ROBO1: variants seen among roughly 807,000 people sequenced by gnomAD.
ROBO1 encodes the protein roundabout homolog 1.
Under a neutral mutation model 195.9 loss-of-function variants are expected in ROBO1, and 149 were observed. That is an observed-to-expected ratio of 0.76 (90% CI 0.67 to 0.87). ROBO1 has a LOEUF of 0.87. Ranked by LOEUF, ROBO1 falls within the 40% of genes least tolerant of loss-of-function variation. ROBO1 has a pLI of 0.00. For missense variants in ROBO1, 1,933 were observed against 2,068.3 expected, an observed-to-expected ratio of 0.93 and a Z score of 1.27; for synonymous variants, 816 against 733.2, an observed-to-expected ratio of 1.11 and a Z score of -1.82.
rs188739948 is a variant in ROBO1 at position 79,684,588 on chromosome 3, T to C, written c.-51+83164A>G. Among the ~76,000 whole-genome samples, 500 of 152,222 alleles carry C rather than the reference T, an allele frequency of 3.3e-3. 3 individuals carry two copies. The highest frequency in any genetic ancestry group is 3.7e-3 in the Non-Finnish European group (250 of 68,010). ...GTTATTTTGACTAATATTCTTCTTTTGTTTGGGTCATACATTTTTTATTTA... is the reference window on the plus strand; with the variant it reads ...GTTATTTTGACTAATATTCTTCTTTCGTTTGGGTCATACATTTTTTATTTA... On this transcript the variant is annotated intron_variant, in intron 1 of 30. Transcript: ENST00000464233.
intron 1 of ROBO1, among the ~76,000 whole-genome samples, chr3:79,637,947 A>G (rs1945545016): frequency 6.6e-6 from 1 of 152,168 alleles, no homozygotes; most frequent in Non-Finnish European, 1.5e-5. Context: ...GTTAGTATAA[A>G]GTGAATGTTG....
chr3:79,546,788 A>ATT (rs1435993236), intron 2 of ROBO1, among the ~76,000 whole-genome samples: 1 of 152,192 alleles, frequency 6.6e-6, no homozygotes, highest in Non-Finnish European at 1.5e-5. Context: ...TATGTTTATA[A>ATT]ATACTTACCA....
At chr3:79,398,352 T>C (rs1308638190) in intron 2 of ROBO1, among the ~76,000 whole-genome samples, 2 of 152,162 alleles carry the variant, frequency 1.3e-5, no homozygotes, top group African/African-American at 2.4e-5. Context: ...ATTCTTAGAC[T>C]TTTATATATT....
chr3:78,785,128 GCT>G (rs2083792861), intron 4 of ROBO1, among the ~76,000 whole-genome samples: 1 of 152,194 alleles, frequency 6.6e-6, no homozygotes, highest in African/African-American at 2.4e-5. Context: ...AAAAAGGAGT[GCT>G]TTTGCATCAA....
intron 2 of ROBO1, among the ~76,000 whole-genome samples, chr3:79,394,208 T>C (rs888268358): frequency 6.6e-5 from 10 of 151,698 alleles, no homozygotes; most frequent in African/African-American, 1.2e-4. Context: ...AGTAGACTAG[T>C]TTGTATGTGA....
At chr3:79,375,529 G>A (rs1044060720) in intron 2 of ROBO1, among the ~76,000 whole-genome samples, 36 of 152,272 alleles carry the variant, frequency 2.4e-4, no homozygotes, top group Non-Finnish European at 4.3e-4. Flanking sequence ...ACCAGCCAGT[G>A]GCCCTGAAGA....
At chr3:79,255,807 C>T (rs1034545005) in intron 2 of ROBO1, among the ~76,000 whole-genome samples, 1 of 152,134 alleles carries the variant, frequency 6.6e-6, no homozygotes, top group Admixed American at 6.6e-5. Flanking sequence ...CTCCACCACA[C>T]TGACAGCAGG....
chr3:79,652,808 G>T (rs753030764), intron 1 of ROBO1, among the ~76,000 whole-genome samples: 2 of 151,880 alleles, frequency 1.3e-5, no homozygotes, highest in Non-Finnish European at 2.9e-5. Context: ...AGGAAACAAA[G>T]ACTTCTGTTG....
intron 5 of ROBO1, among the ~76,000 whole-genome samples, chr3:78,744,638 A>G (rs139718164): frequency 8.3e-4 from 127 of 152,176 alleles, no homozygotes; most frequent in Non-Finnish European, 1.4e-3. Flanking sequence ...GGGTTTTTCT[A>G]TTTAATATTT....
In ROBO1 at chr3:79,301,227, C is replaced by G. The variant is rs191727276; in HGVS notation, c.89-175688G>C. 1.4e-3 allele frequency among the ~76,000 whole-genome samples: 220 copies of G among 152,226 alleles called. 1 individual carries two copies. The highest frequency in any genetic ancestry group is 5.0e-3 in the African/African-American group (209 of 41,560). ...CGAACCCACCAGAAGAAAAAAACTC[C>G]GCAAACATCCGAACATCAGAAAGAA... On this transcript the variant is annotated intron_variant, in intron 2 of 30. Coordinates refer to ENST00000464233, the MANE Select transcript of ROBO1 (RefSeq NM_002941.4).
intron 2 of ROBO1, among the ~76,000 whole-genome samples, chr3:79,400,697 C>G (rs1467674757): frequency 6.6e-6 from 1 of 151,890 alleles, no homozygotes; most frequent in Non-Finnish European, 1.5e-5. Context: ...GTCCTAAATT[C>G]ATAAGTAGAT....
intron 1 of ROBO1, among the ~76,000 whole-genome samples, chr3:79,726,310 T>G (rs1702924340): frequency 6.6e-6 from 1 of 152,134 alleles, no homozygotes; most frequent in Non-Finnish European, 1.5e-5. Context: ...TCCAACCCCA[T>G]CTATCTAACA....
chr3:79,523,395 A>G lies in ROBO1; in HGVS notation c.88+66429T>C, dbSNP rs138167890. Among the ~76,000 whole-genome samples the G allele has an allele frequency of 3.4e-3, 518 of 152,090 alleles. 3 individuals are homozygous for G. Among genetic ancestry groups the G allele is most frequent in the Non-Finnish European group, 6.4e-3 (432 of 67,994 alleles). The stretch of plus-strand genomic sequence containing the variant: ...ACAATTTTATGCGTCAATTTTAACA[A>G]ATAAATTTGAAAAAAAAATTGTTCA... On this transcript the variant is annotated intron_variant, in intron 2 of 30. Transcript: ENST00000464233.
At chr3:79,517,958 C>T (rs979853807) in intron 2 of ROBO1, among the ~76,000 whole-genome samples, 2 of 152,008 alleles carry the variant, frequency 1.3e-5, no homozygotes, top group Non-Finnish European at 1.5e-5. Context: ...CTGACATTTT[C>T]CAGGGTGTTA....
intron 2 of ROBO1, among the ~76,000 whole-genome samples, chr3:79,560,967 G>A (rs1942895528): frequency 6.6e-6 from 1 of 152,008 alleles, no homozygotes; most frequent in African/African-American, 2.4e-5. Context: ...CTTTCAATCT[G>A]CTGTTTTTTT....
intron 4 of ROBO1, among the ~76,000 whole-genome samples, chr3:78,899,825 A>G (rs1327996599): frequency 1.3e-5 from 2 of 152,176 alleles, no homozygotes; most frequent in African/African-American, 4.8e-5. Context: ...ATCCTGTCAA[A>G]TAAAGGCAAC....
intron 2 of ROBO1, among the ~76,000 whole-genome samples, chr3:79,582,650 A>G (rs1943697300): frequency 6.6e-6 from 1 of 152,050 alleles, no homozygotes; most frequent in South Asian, 2.1e-4. Context: ...TAATCTTATT[A>G]GGTTACTCTC....
chr3:79,574,769 ATAAAC>A (rs1943395648), intron 2 of ROBO1, among the ~76,000 whole-genome samples: 1 of 151,808 alleles, frequency 6.6e-6, no homozygotes, highest in Admixed American at 6.6e-5. Context: ...GTATCCCTTA[ATAAAC>A]TATAGTTTTA....
rs530912706 is a variant in ROBO1 at position 78,670,462 on chromosome 3, C to T, written c.1343-161G>A. On this transcript the variant is annotated intron_variant, in intron 10 of 30. Transcript: ENST00000464233. Reference sequence around the variant, plus strand: ...TTATTCAAAATGCATTTATATGATGCACTGATTCAGAATACTAAAATGAGA... The same window carrying T: ...TTATTCAAAATGCATTTATATGATGTACTGATTCAGAATACTAAAATGAGA... The T allele has an allele frequency of 5.0e-4, 315 of 624,646 alleles. 3 individuals are homozygous for T. The Middle Eastern group carries it at 0.016, about 32-fold the overall frequency. The allele number at this position is 624,646 out of a possible 1,614,324, so 38.7% of individuals were successfully genotyped here.
Sources: allele counts gnomAD v4.1 joint callset (sites outside exome capture counted in the v4.1 genomes callset), GRCh38; gene constraint gnomAD v4.1.1; transcripts MANE v1.5; gene names NCBI Gene and HGNC (gene_info 2026-07-23, HGNC 2026-07-21).